Variants in EIF2S2 observed in about 807,000 individuals in gnomAD.
EIF2S2 encodes eukaryotic translation initiation factor 2 subunit beta, also known as eukaryotic translation initiation factor 2 subunit 2.
Under a neutral mutation model 44.0 loss-of-function variants are expected in EIF2S2, and 4 were observed. The ratio of observed to expected loss-of-function variants is 0.09; its 90% CI spans 0.04 to 0.21. The LOEUF (loss-of-function observed/expected upper bound fraction) is 0.21, where lower values mean the gene tolerates loss of function less well. Ranked by LOEUF, EIF2S2 falls within the 10% of genes least tolerant of loss-of-function variation. The pLI is 1.00. For missense variants in EIF2S2, 154 were observed against 392.0 expected, an observed-to-expected ratio of 0.39 and a Z score of 5.13; for synonymous variants, 108 against 128.3, an observed-to-expected ratio of 0.84 and a Z score of 1.07.
intron 3 of EIF2S2, among the ~76,000 whole-genome samples, chr20:34,099,367 A>C (rs941717140): frequency 6.6e-6 from 1 of 152,306 alleles, no homozygotes; most frequent in Non-Finnish European, 1.5e-5. Flanking sequence ...CAAAGAAAAA[A>C]AAAAAAAAGA....
At chr20:34,107,291 T>C (rs1197197692) in intron 1 of EIF2S2, among the ~76,000 whole-genome samples, 1 of 152,236 alleles carries the variant, frequency 6.6e-6, no homozygotes, top group Admixed American at 6.5e-5. Context: ...ATTAATACCA[T>C]GCTTAAATTC....
intron 3 of EIF2S2, among the ~76,000 whole-genome samples, chr20:34,102,531 A>G (rs1369086884): frequency 6.6e-6 from 1 of 152,188 alleles, no homozygotes; most frequent in Non-Finnish European, 1.5e-5. Flanking sequence ...AACTGTCATA[A>G]AATTATGACA....
intron 3 of EIF2S2, among the ~76,000 whole-genome samples, chr20:34,101,364 AG>A (rs1729866043): frequency 6.6e-6 from 1 of 152,166 alleles, no homozygotes. Context: ...TGAGCCCAGG[AG>A]ACGGAGGTTG....
At chr20:34,106,928 TC>T (rs35050040) in intron 1 of EIF2S2, among the ~76,000 whole-genome samples, 2 of 152,150 alleles carry the variant, frequency 1.3e-5, no homozygotes, top group East Asian at 3.9e-4. Flanking sequence ...ACGCCTGTAA[TC>T]CCAGTACTTT....
chr20:34,106,759 C>A (rs2034354251), intron 1 of EIF2S2, among the ~76,000 whole-genome samples: 1 of 152,114 alleles, frequency 6.6e-6, no homozygotes, highest in Non-Finnish European at 1.5e-5. Context: ...TCTAAATGTC[C>A]ACTATAGAGT....
chr20:34,102,922 T>C (rs1479985530), intron 3 of EIF2S2, among the ~76,000 whole-genome samples: 1 of 152,166 alleles, frequency 6.6e-6, no homozygotes, highest in African/African-American at 2.4e-5. Flanking sequence ...TTTGAGATAT[T>C]TGTATTAGAA....
At position 34,089,904 on chromosome 20, in the gene EIF2S2, C is replaced by T; in HGVS notation, c.828G>A (p.Lys276=). 6.2e-7 allele frequency: 1 copy of T among 1,613,606 alleles called. No homozygotes were observed. The highest frequency in any genetic ancestry group is 8.5e-7 in the Non-Finnish European group (1 of 1,179,768). The change falls in exon 9 of 9, where the codon AAG becomes AAA. Residue 276 remains lysine (K), a splice_region_variant and synonymous_variant. Transcript: ENST00000374980. ...QIENVLRRYI[K]EYVTCHTCRS... ...GGCATGTGTGACAAGTGACATATTC[C>T]TCTGCAAATAAAGCAACACACAGAA...
chr20:34,097,766 T>G (rs1173929309), intron 4 of EIF2S2, among the ~76,000 whole-genome samples: 1 of 152,200 alleles, frequency 6.6e-6, no homozygotes, highest in Non-Finnish European at 1.5e-5. Context: ...CTGAAATGTT[T>G]CTTAATTTAA....
intron 3 of EIF2S2, among the ~76,000 whole-genome samples, chr20:34,101,146 A>G (rs2034290487): frequency 6.6e-6 from 1 of 152,176 alleles, no homozygotes; most frequent in Admixed American, 6.5e-5. Context: ...ACATGTGGCT[A>G]TCAAGACCAA....
intron 4 of EIF2S2, 89 bp from the exon 5 acceptor site, chr20:34,097,605 GAC>G (rs1402718029): frequency 1.9e-5 from 19 of 1,005,796 alleles, no homozygotes; most frequent in Non-Finnish European, 2.7e-5. Context: ...GAGTTTCAAA[GAC>G]ATCTGTCTTC....
intron 6 of EIF2S2, among the ~76,000 whole-genome samples, chr20:34,095,711 G>A (rs749539410): frequency 9.9e-5 from 15 of 151,914 alleles, no homozygotes; most frequent in Non-Finnish European, 2.1e-4. Context: ...TACTACTATT[G>A]TCATTAGCCA....
intron 6 of EIF2S2, 129 bp downstream of exon 6, chr20:34,096,528 C>T: frequency 2.3e-6 from 2 of 881,998 alleles, no homozygotes; most frequent in Non-Finnish European, 3.5e-6. Flanking sequence ...GAACGGTGAA[C>T]TCCCTCAACC....
At chr20:34,090,034 G>A in intron 8 of EIF2S2, 129 bp from the exon 9 acceptor site, 1 of 952,300 alleles carries the variant, frequency 1.1e-6, no homozygotes, top group South Asian at 1.5e-5. Context: ...ACCCAGACCA[G>A]GGAAGCGCAG....
At chr20:34,110,096 CAAA>C (rs11167227) in intron 1 of EIF2S2, among the ~76,000 whole-genome samples, 6 of 86,176 alleles carry the variant, frequency 7.0e-5, no homozygotes, top group Admixed American at 2.5e-4. Context: ...AATTCCATCT[CAAA>C]AAAAAAAAAA....
chr20:34,104,281 A>C (rs1440393374), intron 2 of EIF2S2, among the ~76,000 whole-genome samples: 1 of 152,078 alleles, frequency 6.6e-6, no homozygotes, highest in Non-Finnish European at 1.5e-5. Context: ...GCGGTCTCTC[A>C]CCAACAAACC....
At chr20:34,110,823 C>T (rs995876349) in intron 1 of EIF2S2, among the ~76,000 whole-genome samples, 39 of 152,354 alleles carry the variant, frequency 2.6e-4, no homozygotes, top group African/African-American at 8.9e-4. Flanking sequence ...AACACTGCCA[C>T]TCTCAGAACT....
intron 3 of EIF2S2, among the ~76,000 whole-genome samples, chr20:34,099,731 AAG>A (rs1184790160): frequency 6.6e-6 from 1 of 152,210 alleles, no homozygotes; most frequent in African/African-American, 2.4e-5. Flanking sequence ...ATTCGCCATC[AAG>A]AGTCAATAAT....
intron 1 of EIF2S2, among the ~76,000 whole-genome samples, chr20:34,110,865 T>C (rs2034404587): frequency 6.6e-6 from 1 of 152,254 alleles, no homozygotes; most frequent in Non-Finnish European, 1.5e-5. Context: ...GCAATGTCTA[T>C]AACCGCCAAG....
Position 34,112,087 on chromosome 20 carries a change from G to C in EIF2S2, c.15+9C>G, listed in dbSNP as rs200729549. 9.2e-4 allele frequency: 1,438 copies of C among 1,560,234 alleles called. 1 individual carries two copies. Among genetic ancestry groups the C allele is most frequent in the Non-Finnish European group, 1.2e-3 (1,325 of 1,150,500 alleles). Reference sequence around the variant, plus strand: ...ATCCTTAGCCCTTACGCCGGGCTCAGATCCTCACCTCGTCCCCAGACATGG... The same window carrying C: ...ATCCTTAGCCCTTACGCCGGGCTCACATCCTCACCTCGTCCCCAGACATGG... On this transcript the variant is annotated intron_variant, in intron 1 of 8. Transcript: ENST00000374980.
Sources: allele counts gnomAD v4.1 joint callset (sites outside exome capture counted in the v4.1 genomes callset), GRCh38; gene constraint gnomAD v4.1.1; transcripts MANE v1.5; gene names NCBI Gene and HGNC (gene_info 2026-07-23, HGNC 2026-07-21).